Variants in ATP7A observed in about 807,000 individuals in gnomAD.
ATP7A encodes ATPase copper transporting alpha.
In ATP7A, 7 loss-of-function variants were observed where a neutral mutation model predicts 83.5. The ratio of observed to expected loss-of-function variants is 0.08; its 90% CI spans 0.05 to 0.16. The LOEUF (loss-of-function observed/expected upper bound fraction) is 0.16, where lower values mean the gene tolerates loss of function less well. Among genes scored for constraint, ATP7A ranks in the 10% least tolerant of loss-of-function variants. The probability of loss-of-function intolerance (pLI) is 1.00; values close to 1 mark genes in which losing one functional copy is unlikely to be tolerated. For missense variants in ATP7A, 940 were observed against 1,120.8 expected, an observed-to-expected ratio of 0.84 and a Z score of 2.30; for synonymous variants, 354 against 395.2, an observed-to-expected ratio of 0.90 and a Z score of 1.24.
chrX:78,046,677 T>C lies in ATP7A; in HGVS notation c.*107T>C. The C allele has an allele frequency of 9.7e-7, 1 of 1,029,901 alleles. No individual in the cohort carries two copies. Among genetic ancestry groups the C allele is most frequent in the Middle Eastern group, 3.6e-4 (1 of 2,789 alleles). The allele number at this position is 1,029,901 out of a possible 1,213,427, so 84.9% of individuals were successfully genotyped here. ...TGTAGAAGGATTTTTCTCATGCTCT[T>C]ATATTAGGGATTCTATTTGAGTTGC... On this transcript the variant is annotated 3_prime_UTR_variant, in exon 23 of 23. Coordinates refer to ENST00000341514, the MANE Select transcript of ATP7A (RefSeq NM_000052.7).
intron 17 of ATP7A, 114 bp from the exon 18 acceptor site, chrX:78,038,720 TTC>T: frequency 1.2e-6 from 1 of 848,074 alleles, no homozygotes; most frequent in Non-Finnish European, 1.7e-6. Context: ...GGAGGCTATG[TTC>T]TAGGAGCAAT....
At chrX:77,954,862 A>G (rs2149062681) in intron 1 of ATP7A, among the ~76,000 whole-genome samples, 1 of 111,677 alleles carries the variant, frequency 9.0e-6, no homozygotes, top group African/African-American at 3.2e-5. Flanking sequence ...ATATATATGA[A>G]TTTATCATTG....
At chrX:78,028,210 C>G (rs1433867111) in intron 14 of ATP7A, among the ~76,000 whole-genome samples, 1 of 103,435 alleles carries the variant, frequency 9.7e-6, no homozygotes, top group African/African-American at 3.5e-5. Context: ...TTTTTTGAGA[C>G]CGAGTTTCGC....
chrX:78,004,891 AAAAAAT>A (rs2077763216), intron 6 of ATP7A, among the ~76,000 whole-genome samples: 1 of 111,238 alleles, frequency 9.0e-6, no homozygotes, highest in Non-Finnish European at 1.9e-5. Context: ...TCAAAAAATA[AAAAAAT>A]AAAAATAAAA....
At chrX:77,932,589 C>T (rs1216680141) in intron 1 of ATP7A, among the ~76,000 whole-genome samples, 2 of 112,389 alleles carry the variant, frequency 1.8e-5, no homozygotes, top group African/African-American at 3.2e-5. Flanking sequence ...GCCGCGATCA[C>T]GCCACTGCAC....
At chrX:77,939,831 G>A (rs781815216) in intron 1 of ATP7A, among the ~76,000 whole-genome samples, 3 of 107,806 alleles carry the variant, frequency 2.8e-5, no homozygotes, top group South Asian at 4.0e-4. Flanking sequence ...GCTCTTATTC[G>A]TATATATCTT....
At chrX:78,044,274 AAT>A (rs1557238828) in intron 21 of ATP7A, among the ~76,000 whole-genome samples, 1 of 108,847 alleles carries the variant, frequency 9.2e-6, no homozygotes, top group Non-Finnish European at 1.9e-5. Context: ...AAAAAAAAAA[AAT>A]TCATACCTCC....
Position 78,015,837 on chromosome X carries a change from G to C in ATP7A, c.2582G>C (p.Arg861Pro). 1 of 1,211,477 alleles carries C rather than the reference G, an allele frequency of 8.3e-7. No individual in the cohort carries two copies. Among genetic ancestry groups the C allele is most frequent in the Non-Finnish European group, 1.1e-6 (1 of 895,130 alleles). The change falls in exon 12 of 23, where the codon CGT (arginine) becomes CCT (proline). Residue 861 changes from arginine to proline, a missense_variant. Physicochemically the swap from Arg to Pro is moderately radical, Grantham distance 103. Coordinates refer to ENST00000341514, the MANE Select transcript of ATP7A (RefSeq NM_000052.7). ...GGAGGCAAATTTCCAGTGGATGGTCGTGTTATTGAAGGACATTCTATGGTA... is the reference window on the plus strand; with the variant it reads ...GGAGGCAAATTTCCAGTGGATGGTCCTGTTATTGAAGGACATTCTATGGTA... ...VPGGKFPVDG[R>P]VIEGHSMVDE...
In ATP7A at chrX:78,049,654, A is replaced by C. The variant is rs1557239615; in HGVS notation, c.*3084A>C. 8.9e-6 allele frequency: 1 copy of C among 112,778 alleles called. No individual in the cohort carries two copies. Among genetic ancestry groups the C allele is most frequent in the East Asian group, 2.8e-4 (1 of 3,624 alleles). 9.3% of individuals were successfully genotyped at this position (112,778 alleles called of 1,213,427 possible). A position where few individuals can be genotyped will look rare whatever the true frequency, so the allele number is the denominator to read the frequency against. ...GAATGTCAAATTTGATGCCTTGTGA[A>C]CAAGTAATTTTATATTGTGCTTTAA... is the stretch of plus-strand genomic sequence containing the variant. On this transcript the variant is annotated 3_prime_UTR_variant, in exon 23 of 23. Coordinates refer to ENST00000341514, the MANE Select transcript of ATP7A (RefSeq NM_000052.7).
intron 7 of ATP7A, among the ~76,000 whole-genome samples, chrX:78,010,596 TG>T (rs1216153467): frequency 4.2e-5 from 4 of 94,163 alleles, no homozygotes; most frequent in Non-Finnish European, 8.5e-5. Context: ...TTTTTTTTTT[TG>T]GAGACAGAGT....
intron 1 of ATP7A, among the ~76,000 whole-genome samples, chrX:77,965,226 G>A (rs1055871203): frequency 1.8e-5 from 2 of 111,204 alleles, no homozygotes; most frequent in Admixed American, 1.9e-4. Context: ...AAAAAAGAGT[G>A]AAAGACAACC....
chrX:77,965,010 T>C (rs1290505330), intron 1 of ATP7A: 1 of 118,299 alleles, frequency 8.5e-6, no homozygotes, highest in Non-Finnish European at 1.7e-5. Context: ...TCCACAATGG[T>C]TGAACTAATT....
At chrX:77,912,144 A>G (rs2077164015) in intron 1 of ATP7A, among the ~76,000 whole-genome samples, 1 of 111,606 alleles carries the variant, frequency 9.0e-6, no homozygotes, top group Non-Finnish European at 1.9e-5. Flanking sequence ...TCATGACATG[A>G]GAGAGTTTTT....
chrX:78,009,105 A>T lies in ATP7A; in HGVS notation c.1711A>T (p.Arg571Trp). The T allele has an allele frequency of 8.3e-7, 1 of 1,209,163 alleles. No homozygotes were observed. Among genetic ancestry groups the T allele is most frequent in the Non-Finnish European group, 1.1e-6 (1 of 893,900 alleles). Residue 571 changes from arginine to tryptophan, a missense_variant, in exon 7 of 23, where the codon AGG (arginine) becomes TGG (tryptophan). This residue lies in a region of ATP7A where 350 missense variants were observed against 432.8 expected (regional missense o/e 0.81). Coordinates refer to ENST00000341514, the MANE Select transcript of ATP7A (RefSeq NM_000052.7). ...EGDGVLELVV[R>W]GMTCASCVHK... is the part of the protein sequence containing the mutation. ...ACAAATGCTTTGTCTTTAACAGGTGAGGGGAATGACGTGTGCCTCCTGCGT... is the reference window on the plus strand; with the variant it reads ...ACAAATGCTTTGTCTTTAACAGGTGTGGGGAATGACGTGTGCCTCCTGCGT...
At chrX:77,951,036 T>TA (rs1275439291) in intron 1 of ATP7A, among the ~76,000 whole-genome samples, 2 of 110,725 alleles carry the variant, frequency 1.8e-5, no homozygotes, top group Admixed American at 9.7e-5. Context: ...AGAAAAAAAT[T>TA]AAAAAAAATT....
At chrX:77,964,861 A>C (rs782019540) in intron 1 of ATP7A, 1 of 112,136 alleles carries the variant, frequency 8.9e-6, no homozygotes, top group East Asian at 2.8e-4. Flanking sequence ...TATTGTGAAT[A>C]GTGCCTCAAT....
Position 78,047,619 on chromosome X carries a change from A to C in ATP7A, c.*1049A>C, listed in dbSNP as rs910384215. ...AGTCTTGTTTTGCAGCCCAGGCTGGAGTGCAGTGGCACCATCTTGGCTCAC... is the reference window on the plus strand; with the variant it reads ...AGTCTTGTTTTGCAGCCCAGGCTGGCGTGCAGTGGCACCATCTTGGCTCAC... On this transcript the variant is annotated 3_prime_UTR_variant, in exon 23 of 23. Coordinates refer to ENST00000341514, the MANE Select transcript of ATP7A (RefSeq NM_000052.7). 18 of 111,786 alleles carry C rather than the reference A, an allele frequency of 1.6e-4. No homozygotes were observed. Among genetic ancestry groups the C allele is most frequent in the African/African-American group, 5.2e-4 (16 of 30,730 alleles). The allele number at this position is 111,786 out of a possible 1,213,427, so 9.2% of individuals were successfully genotyped here.
At chrX:77,915,343 C>T (rs1234998542) in intron 1 of ATP7A, among the ~76,000 whole-genome samples, 4 of 107,709 alleles carry the variant, frequency 3.7e-5, no homozygotes, top group East Asian at 2.9e-4. Flanking sequence ...AAAAAAAAAG[C>T]CTGTCTTGTC....
At chrX:78,021,855 G>A (rs1462256861) in intron 14 of ATP7A, among the ~76,000 whole-genome samples, 2 of 111,411 alleles carry the variant, frequency 1.8e-5, no homozygotes, top group Non-Finnish European at 3.8e-5. Flanking sequence ...ACATCCTGAA[G>A]GTTGAAAAAC....
Sources: gnomAD v4.1 joint callset for allele counts (sites outside exome capture counted in the v4.1 genomes callset) on GRCh38, gnomAD v4.1.1 for gene constraint, gnomAD v4.1.1 regional missense constraint, MANE v1.5 for transcripts, NCBI Gene and HGNC (gene_info 2026-07-23, HGNC 2026-07-21) for gene names.